Variants in TMEM86A observed in about 807,000 individuals in gnomAD.
TMEM86A encodes lysoplasmalogenase TMEM86A.
TMEM86A carries 13 observed loss-of-function variants against 19.8 expected under a neutral mutation model. The ratio of observed to expected loss-of-function variants is 0.66; its 90% CI spans 0.43 to 1.04. TMEM86A has a LOEUF of 1.04. TMEM86A is among the 50% of genes least tolerant of loss of function. TMEM86A has a pLI of 0.00. For missense variants in TMEM86A, 248 were observed against 306.8 expected (o/e 0.81, Z 1.43); for synonymous variants, 128 against 129.9 (o/e 0.99, Z 0.10).
Position 18,704,485 on chromosome 11 carries a change from A to G in TMEM86A, c.*2476A>G. The G allele has an allele frequency of 2.6e-6, 4 of 1,550,608 alleles. No homozygotes were observed. The highest frequency in any genetic ancestry group is 3.5e-6 in the Non-Finnish European group (4 of 1,146,402). ...GCTGGAGCTCACATGAGGTGCTTTGATTTCTTCTGCAGACTCTCGGTGATG... is the reference window on the plus strand; with the variant it reads ...GCTGGAGCTCACATGAGGTGCTTTGGTTTCTTCTGCAGACTCTCGGTGATG... On this transcript the variant is annotated 3_prime_UTR_variant, in exon 3 of 3. Transcript: ENST00000280734.
chr11:18,698,834 G>C lies in TMEM86A; in HGVS notation c.-53G>C, dbSNP rs921402342. 1.5e-6 allele frequency: 1 copy of C among 664,200 alleles called. No homozygotes were observed. Among genetic ancestry groups the C allele is most frequent in the Non-Finnish European group, 2.7e-6 (1 of 369,530 alleles). The allele number at this position is 664,200 out of a possible 1,614,324, so 41.1% of individuals were successfully genotyped here. On this transcript the variant is annotated 5_prime_UTR_variant, in exon 1 of 3. Coordinates refer to ENST00000280734, the MANE Select transcript of TMEM86A (RefSeq NM_153347.3). ...GTCGCCGGCTTACCTGGCCGTGGGC[G>C]CGTCCTGGCCGCTGCAGCCCGGAGC...
chr11:18,701,780 T>G lies in TMEM86A; in HGVS notation c.494T>G (p.Leu165Arg). 1 of 1,614,156 alleles carries G rather than the reference T, an allele frequency of 6.2e-7. No individual in the cohort carries two copies. Among genetic ancestry groups the G allele is most frequent in the Non-Finnish European group, 8.5e-7 (1 of 1,180,022 alleles). The change falls in exon 3 of 3, where the codon CTG (leucine) becomes CGG (arginine). Residue 165 changes from leucine (L) to arginine (R), a missense_variant. Physicochemically the swap from Leu to Arg is moderately radical, Grantham distance 102. Coordinates refer to ENST00000280734, the MANE Select transcript of TMEM86A (RefSeq NM_153347.3). The surrounding 1 kb of genome is among the most constrained non-coding windows in gnomAD (Gnocchi z 5.3). ...ATGGGCTGGCGAGCTATGGCAGGGC[T>G]GCGGCTGGCCGGGGCAGACTGGCGC... ...GFMGWRAMAG[L>R]RLAGADWRWT...
In TMEM86A at chr11:18,701,511, C is replaced by A. The variant is rs1016833185; in HGVS notation, c.287-62C>A. On this transcript the variant is annotated intron_variant, in intron 2 of 2. Transcript: ENST00000280734. The surrounding 1 kb of genome is among the most constrained non-coding windows in gnomAD (Gnocchi z 5.3). ...CCATCGCCACATCCATCCCTACCCC[C>A]ACCCTGTTACTCATTCTTCATCAAG... 3 of 1,490,504 alleles carry A rather than the reference C, an allele frequency of 2.0e-6. No homozygotes were observed. The highest frequency in any genetic ancestry group is 1.4e-5 in the African/African-American group (1 of 71,212). The allele number at this position is 1,490,504 out of a possible 1,614,324, so 92.3% of individuals were successfully genotyped here.
chr11:18,704,303 G>C lies in TMEM86A; in HGVS notation c.*2294G>C. The C allele has an allele frequency of 1.6e-6, 1 of 618,256 alleles. No individual in the cohort carries two copies. The highest frequency in any genetic ancestry group is 2.8e-5 in the East Asian group (1 of 35,688). The allele number at this position is 618,256 out of a possible 1,614,324, so 38.3% of individuals were successfully genotyped here. A position where few individuals can be genotyped will look rare whatever the true frequency, so the allele number is the denominator to read the frequency against. ...TGGTCCCTGCTGTATATCACCCTCA[G>C]GAACGGGAAAGGATGAGTTACGTTT... On this transcript the variant is annotated 3_prime_UTR_variant, in exon 3 of 3. Coordinates refer to ENST00000280734, the MANE Select transcript of TMEM86A (RefSeq NM_153347.3).
At chr11:18,700,692 T>C (rs1351404758) in intron 1 of TMEM86A, 7 of 587,482 alleles carry the variant, frequency 1.2e-5, no homozygotes, top group Non-Finnish European at 2.1e-5. Flanking sequence ...AGAAGCACAC[T>C]AGGCTGCAGA....
chr11:18,702,121 T>C lies in TMEM86A; in HGVS notation c.*112T>C. The C allele has an allele frequency of 2.5e-6, 3 of 1,178,622 alleles. No individual in the cohort carries two copies. The highest frequency in any genetic ancestry group is 3.6e-6 in the Non-Finnish European group (3 of 839,724). 73.0% of individuals were successfully genotyped at this position (1,178,622 alleles called of 1,614,324 possible). On this transcript the variant is annotated 3_prime_UTR_variant, in exon 3 of 3. Coordinates refer to ENST00000280734, the MANE Select transcript of TMEM86A (RefSeq NM_153347.3). ...AGTGCCAGCCTGGGGCAGCAGGTACTGCCTGAGGAATTTGCAAGTTCGTGT... is the reference window on the plus strand; with the variant it reads ...AGTGCCAGCCTGGGGCAGCAGGTACCGCCTGAGGAATTTGCAAGTTCGTGT...
intron 1 of TMEM86A, chr11:18,700,616 G>A (rs1198070061): frequency 4.6e-6 from 2 of 438,372 alleles, no homozygotes; most frequent in Admixed American, 3.6e-5. Context: ...ACAGCTGGGG[G>A]CTGTTGCTGG....
Position 18,701,968 on chromosome 11 carries a change from CG to C in TMEM86A, c.685del (p.Glu229SerfsTer8), listed in dbSNP as rs777421140. On this transcript the variant is annotated frameshift_variant, in exon 3 of 3. Transcript: ENST00000280734. LOFTEE classifies it high-confidence loss of function. The surrounding 1 kb of genome is among the most constrained non-coding windows in gnomAD (Gnocchi z 5.3). Reference protein sequence around the residue: ...MLVALSAVESREPVEHYRLTK... With the variant: ...MLVALSAVESXEPVEHYRLTK... ...CGTCGCCTTGTCAGCTGTCGAAAGC[CG>C]GGAGCCTGTGGAACACTACAGACTG... 2.9e-5 allele frequency: 47 copies of C among 1,610,916 alleles called. No individual in the cohort carries two copies. Among genetic ancestry groups the C allele is most frequent in the Non-Finnish European group, 3.7e-5 (44 of 1,180,028 alleles).
chr11:18,701,344 C>A lies in TMEM86A; in HGVS notation c.286+147C>A. The stretch of plus-strand genomic sequence containing the variant: ...TCTGAGGCCAGGGACTGTGAGGGTC[C>A]TTGTTAGGGGATGACCTCGCAGGGG... On this transcript the variant is annotated intron_variant, in intron 2 of 2. Coordinates refer to ENST00000280734, the MANE Select transcript of TMEM86A (RefSeq NM_153347.3). The surrounding 1 kb of genome is among the most constrained non-coding windows in gnomAD (Gnocchi z 5.3). 1 of 1,194,892 alleles carries A rather than the reference C, an allele frequency of 8.4e-7. No homozygotes were observed. The highest frequency in any genetic ancestry group is 1.2e-6 in the Non-Finnish European group (1 of 863,228). The allele number at this position is 1,194,892 out of a possible 1,614,324, so 74.0% of individuals were successfully genotyped here.
In TMEM86A at chr11:18,704,324, C is replaced by A; in HGVS notation, c.*2315C>A. 1 of 648,118 alleles carries A rather than the reference C, an allele frequency of 1.5e-6. No homozygotes were observed. Among genetic ancestry groups the A allele is most frequent in the East Asian group, 2.8e-5 (1 of 36,204 alleles). The allele number at this position is 648,118 out of a possible 1,614,324, so 40.1% of individuals were successfully genotyped here. On this transcript the variant is annotated 3_prime_UTR_variant, in exon 3 of 3. Coordinates refer to ENST00000280734, the MANE Select transcript of TMEM86A (RefSeq NM_153347.3). ...CTCAGGAACGGGAAAGGATGAGTTACGTTTATTGCCCCATCCCTTCACTGA... is the reference window on the plus strand; with the variant it reads ...CTCAGGAACGGGAAAGGATGAGTTAAGTTTATTGCCCCATCCCTTCACTGA...
Position 18,702,225 on chromosome 11 carries a change from T to G in TMEM86A, c.*216T>G, listed in dbSNP as rs1047010125. ...GAGAGCTAAAAGAGCCAGCCTAATA[T>G]CAGACTGGAGCCAGAAGTAGACATC... On this transcript the variant is annotated 3_prime_UTR_variant, in exon 3 of 3. Coordinates refer to ENST00000280734, the MANE Select transcript of TMEM86A (RefSeq NM_153347.3). 6.8e-6 allele frequency: 4 copies of G among 592,390 alleles called. No individual in the cohort carries two copies. The highest frequency in any genetic ancestry group is 1.2e-5 in the Non-Finnish European group (4 of 334,662). 36.7% of individuals were successfully genotyped at this position (592,390 alleles called of 1,614,324 possible). A position where few individuals can be genotyped will look rare whatever the true frequency, so the allele number is the denominator to read the frequency against.
Position 18,703,808 on chromosome 11 carries a change from G to C in TMEM86A, c.*1799G>C, listed in dbSNP as rs1039688978. Reference sequence around the variant, plus strand: ...AGTTTTTACAGAGATTCCTGGTAAGGGGGTAGTGAAGGAATAATGAGAGAA... The same window carrying C: ...AGTTTTTACAGAGATTCCTGGTAAGCGGGTAGTGAAGGAATAATGAGAGAA... On this transcript the variant is annotated 3_prime_UTR_variant, in exon 3 of 3. Transcript: ENST00000280734. 2 of 152,200 alleles carry C rather than the reference G, an allele frequency of 1.3e-5. No individual in the cohort carries two copies. Among genetic ancestry groups the C allele is most frequent in the East Asian group, 1.9e-4 (1 of 5,192 alleles). 9.4% of individuals were successfully genotyped at this position (152,200 alleles called of 1,614,324 possible). A position where few individuals can be genotyped will look rare whatever the true frequency, so the allele number is the denominator to read the frequency against.
rs557721215 is a variant in TMEM86A at position 18,699,571 on chromosome 11, G to A, written c.21+664G>A. ...TCTAGAAAATATGGGGCTGGGAGAG[G>A]CCATGGAGCGGAGGTTAATGCTCCC... On this transcript the variant is annotated intron_variant, in intron 1 of 2. Coordinates refer to ENST00000280734, the MANE Select transcript of TMEM86A (RefSeq NM_153347.3). The surrounding 1 kb of genome is among the most constrained non-coding windows in gnomAD (Gnocchi z 4.0). Among the ~76,000 whole-genome samples, 96 of 152,302 alleles carry A rather than the reference G, an allele frequency of 6.3e-4. No homozygotes were observed. Among genetic ancestry groups the A allele is most frequent in the Non-Finnish European group, 1.3e-3 (88 of 68,026 alleles).
intron 1 of TMEM86A, 139 bp from the exon 2 acceptor site, chr11:18,700,794 C>T: frequency 2.4e-6 from 3 of 1,255,258 alleles, no homozygotes; most frequent in Admixed American, 2.4e-5. Flanking sequence ...CTGGGTTTCT[C>T]TGTGTCAGTC....
In TMEM86A at chr11:18,704,688, AT is replaced by A; in HGVS notation, c.*2682del. 1 of 631,564 alleles carries A rather than the reference AT, an allele frequency of 1.6e-6. No individual in the cohort carries two copies. The highest frequency in any genetic ancestry group is 2.9e-6 in the Non-Finnish European group (1 of 350,732). The allele number at this position is 631,564 out of a possible 1,614,324, so 39.1% of individuals were successfully genotyped here. A position where few individuals can be genotyped will look rare whatever the true frequency, so the allele number is the denominator to read the frequency against. On this transcript the variant is annotated 3_prime_UTR_variant, in exon 3 of 3. Transcript: ENST00000280734. ...AGAGTGTGAAGGGGCAAGAGCTGCC[AT>A]TTATCTAGCACTTAATATTTGCCAG...
Position 18,704,429 on chromosome 11 carries a change from C to A in TMEM86A, c.*2420C>A. ...GCAGAGGACAGGCCAAGAAACTCCA[C>A]ATCATAACAGCCTCCTGATGCCTGG... On this transcript the variant is annotated 3_prime_UTR_variant, in exon 3 of 3. Transcript: ENST00000280734. The A allele has an allele frequency of 7.0e-7, 1 of 1,434,122 alleles. No homozygotes were observed. Among genetic ancestry groups the A allele is most frequent in the Non-Finnish European group, 9.6e-7 (1 of 1,040,120 alleles). The allele number at this position is 1,434,122 out of a possible 1,614,324, so 88.8% of individuals were successfully genotyped here. A position where few individuals can be genotyped will look rare whatever the true frequency, so the allele number is the denominator to read the frequency against.
At position 18,701,966 on chromosome 11, in the gene TMEM86A, G is replaced by A. The variant is rs1335120183; in HGVS notation, c.680G>A (p.Ser227Asn). The change falls in exon 3 of 3, where the codon AGC becomes AAC. Residue 227 changes from serine (S) to asparagine (N), a missense_variant. By Grantham distance (46) the Ser-to-Asn change is conservative. Transcript: ENST00000280734. The surrounding 1 kb of genome is among the most constrained non-coding windows in gnomAD (Gnocchi z 5.3). ...CTCGTCGCCTTGTCAGCTGTCGAAA[G>A]CCGGGAGCCTGTGGAACACTACAGA... ...QMLVALSAVE[S>N]REPVEHYRLT... The A allele has an allele frequency of 2.5e-6, 4 of 1,611,318 alleles. No individual in the cohort carries two copies. The highest frequency in any genetic ancestry group is 4.5e-5 in the East Asian group (2 of 44,866).
At position 18,704,701 on chromosome 11, in the gene TMEM86A, T is replaced by G. The variant is rs1212842544; in HGVS notation, c.*2692T>G. On this transcript the variant is annotated 3_prime_UTR_variant, in exon 3 of 3. Transcript: ENST00000280734. ...GCAAGAGCTGCCATTTATCTAGCACTTAATATTTGCCAGACATTGTGCCAG... is the reference window on the plus strand; with the variant it reads ...GCAAGAGCTGCCATTTATCTAGCACGTAATATTTGCCAGACATTGTGCCAG... The G allele has an allele frequency of 6.5e-6, 4 of 612,184 alleles. No homozygotes were observed. The highest frequency in any genetic ancestry group is 1.2e-5 in the Non-Finnish European group (4 of 340,460). 37.9% of individuals were successfully genotyped at this position (612,184 alleles called of 1,614,324 possible).
At position 18,702,154 on chromosome 11, in the gene TMEM86A, C is replaced by T; in HGVS notation, c.*145C>T. 2.5e-6 allele frequency: 2 copies of T among 784,876 alleles called. No homozygotes were observed. The highest frequency in any genetic ancestry group is 3.5e-5 in the South Asian group (2 of 56,502). 48.6% of individuals were successfully genotyped at this position (784,876 alleles called of 1,614,324 possible). A position where few individuals can be genotyped will look rare whatever the true frequency, so the allele number is the denominator to read the frequency against. ...GAATTTGCAAGTTCGTGTGGGGAGG[C>T]TGGAAAAGGATCTCCCTAGCAGAAC... On this transcript the variant is annotated 3_prime_UTR_variant, in exon 3 of 3. Transcript: ENST00000280734.
Sources: gnomAD v4.1 joint callset for allele counts (sites outside exome capture counted in the v4.1 genomes callset) on GRCh38, gnomAD v4.1.1 for gene constraint, Gnocchi (gnomAD v3.1) non-coding constraint, MANE v1.5 for transcripts, NCBI Gene and HGNC (gene_info 2026-07-23, HGNC 2026-07-21) for gene names.